Variants in CSMD3 observed in about 807,000 individuals in gnomAD.
CSMD3 encodes CUB and Sushi multiple domains 3.
A neutral mutation model predicts 435.2 loss-of-function variants in CSMD3; 177 were observed. The ratio of observed to expected loss-of-function variants is 0.41; its 90% CI spans 0.36 to 0.46. The LOEUF (loss-of-function observed/expected upper bound fraction) is 0.46, where lower values mean the gene tolerates loss of function less well. CSMD3 is among the 20% of genes least tolerant of loss of function. The pLI is 0.34. For missense variants in CSMD3, 4,265 were observed against 4,504.6 expected (o/e 0.95, Z 1.52); for synonymous variants, 1,656 against 1,520.5 (o/e 1.09, Z -2.07).
chr8:113,354,080 T>C, intron 1 of CSMD3, among the ~76,000 whole-genome samples: 1 of 152,150 alleles, frequency 6.6e-6, no homozygotes, highest in East Asian at 1.9e-4. Flanking sequence ...GTGAATCACC[T>C]CTTTAAATTA....
At chr8:112,290,492 T>C (rs1819657483) in intron 56 of CSMD3, among the ~76,000 whole-genome samples, 1 of 151,880 alleles carries the variant, frequency 6.6e-6, no homozygotes. Context: ...TCAACACAAA[T>C]AAGTCAAATG....
At position 112,517,092 on chromosome 8, in the gene CSMD3, T is replaced by C; in HGVS notation, c.4698A>G (p.Ile1566Met). ...ACCGATTTTCTACCTGAATGCAGGTTATTCTTTCCTCTCCTTGAAGTTCAT... is the reference window on the plus strand; with the variant it reads ...ACCGATTTTCTACCTGAATGCAGGTCATTCTTTCCTCTCCTTGAAGTTCAT... ...PGYELQGEER[I>M]TCIQVENRYF... Residue 1566 changes from isoleucine to methionine, a missense_variant, in exon 28 of 71, where the codon ATA (isoleucine) becomes ATG (methionine). Transcript: ENST00000297405. 1 of 1,613,944 alleles carries C rather than the reference T, an allele frequency of 6.2e-7. No individual in the cohort carries two copies. Among genetic ancestry groups the C allele is most frequent in the South Asian group, 1.1e-5 (1 of 91,084 alleles).
At position 112,925,423 on chromosome 8, in the gene CSMD3, C is replaced by T. The variant is rs1049942698; in HGVS notation, c.1509-3672G>A. Among the ~76,000 whole-genome samples, 11 of 151,784 alleles carry T rather than the reference C, an allele frequency of 7.2e-5. No individual in the cohort carries two copies. In the South Asian group the frequency reaches 8.3e-4, roughly 11 times the overall value. ...AATAAAAATAAAAAAATTAACCCAG[C>T]GTGTTGGCGGGCACCTGTAGTCCCA... On this transcript the variant is annotated intron_variant, in intron 9 of 70. Coordinates refer to ENST00000297405, the MANE Select transcript of CSMD3 (RefSeq NM_198123.2).
intron 8 of CSMD3, 79 bp from the exon 9 acceptor site, chr8:112,947,956 C>G: frequency 2.9e-6 from 2 of 685,524 alleles, no homozygotes; most frequent in South Asian, 3.3e-5. Flanking sequence ...TTAAAATATA[C>G]ATAAAATGTA....
At chr8:113,141,599 C>A (rs73342276) in intron 4 of CSMD3, among the ~76,000 whole-genome samples, 51,737 of 150,576 alleles carry the variant, frequency 0.34, 9,797 homozygotes, top group East Asian at 0.69. Context: ...ATAATAATAT[C>A]AGTTAATGCA....
At chr8:112,695,626 T>G (rs997374888) in intron 13 of CSMD3, among the ~76,000 whole-genome samples, 1 of 152,220 alleles carries the variant, frequency 6.6e-6, no homozygotes, top group Admixed American at 6.5e-5. Context: ...GCCAATGTCA[T>G]GCTGAATGGG....
intron 13 of CSMD3, among the ~76,000 whole-genome samples, chr8:112,721,296 C>T (rs754576442): frequency 1.3e-5 from 2 of 152,000 alleles, no homozygotes; most frequent in African/African-American, 2.4e-5. Flanking sequence ...AAATATTGGC[C>T]GGGCATGGTG....
chr8:112,338,461 A>C (rs1824785653), intron 42 of CSMD3, among the ~76,000 whole-genome samples: 1 of 152,180 alleles, frequency 6.6e-6, no homozygotes, highest in Non-Finnish European at 1.5e-5. Context: ...TAGACCTATG[A>C]ACAGGGCCTA....
intron 1 of CSMD3, among the ~76,000 whole-genome samples, chr8:113,408,637 A>G (rs1461928214): frequency 1.3e-5 from 2 of 151,792 alleles, no homozygotes; most frequent in Non-Finnish European, 2.9e-5. Flanking sequence ...CAATAGTTAC[A>G]TTTCCACGTG....
At chr8:113,174,458 AC>A (rs1377865767) in intron 3 of CSMD3, among the ~76,000 whole-genome samples, 1 of 152,088 alleles carries the variant, frequency 6.6e-6, no homozygotes, top group African/African-American at 2.4e-5. Flanking sequence ...TTTGTTATTA[AC>A]CTTGAGTGTA....
intron 3 of CSMD3, among the ~76,000 whole-genome samples, chr8:113,223,622 C>T (rs1229027213): frequency 6.8e-6 from 1 of 146,104 alleles, no homozygotes; most frequent in Non-Finnish European, 1.5e-5. Context: ...GTCAAGTATA[C>T]ATATATATAT....
chr8:113,126,586 T>G (rs1189309960), intron 4 of CSMD3, among the ~76,000 whole-genome samples: 5 of 151,890 alleles, frequency 3.3e-5, no homozygotes, highest in African/African-American at 1.2e-4. Flanking sequence ...GCAATTTTGA[T>G]GAGAGAATAC....
At chr8:112,433,304 A>G (rs906486106) in intron 32 of CSMD3, among the ~76,000 whole-genome samples, 1 of 151,896 alleles carries the variant, frequency 6.6e-6, no homozygotes, top group African/African-American at 2.4e-5. Context: ...GGGACAGAAT[A>G]TCTGTTCTTG....
At chr8:112,410,616 GTATATATATGTGTATATATA>G (rs1832278584) in intron 32 of CSMD3, among the ~76,000 whole-genome samples, 1 of 67,590 alleles carries the variant, frequency 1.5e-5, no homozygotes, top group Admixed American at 1.8e-4. Flanking sequence ...ATATATATAT[GTATATATATGTGTATATATA>G]TGTATATATA....
Position 112,904,082 on chromosome 8 carries a change from T to C in CSMD3, c.1633+17545A>G, listed in dbSNP as rs550736916. 2.2e-4 allele frequency among the ~76,000 whole-genome samples: 34 copies of C among 151,196 alleles called. 1 individual carries two copies. Among genetic ancestry groups the C allele is most frequent in the Middle Eastern group, 3.4e-3 (1 of 294 alleles). On this transcript the variant is annotated intron_variant, in intron 10 of 70. Transcript: ENST00000297405. Reference sequence around the variant, plus strand: ...TTTTAAACATTTAAACAATGCTTTTTCCCCCCCAGAGACATGATGTTTAGC... The same window carrying C: ...TTTTAAACATTTAAACAATGCTTTTCCCCCCCCAGAGACATGATGTTTAGC...
Position 112,577,838 on chromosome 8 carries a change from AAT to A in CSMD3, c.3886-4183_3886-4182del, listed in dbSNP as rs1371707402. Among the ~76,000 whole-genome samples, 2 of 152,120 alleles carry A rather than the reference AAT, an allele frequency of 1.3e-5. 1 individual carries two copies. ...TCTTGCTGTTGTGAATGATATGATA[AAT>A]ATATAAATAGAAGGCATATTCTAAC... is the stretch of plus-strand genomic sequence containing the variant. On this transcript the variant is annotated intron_variant, in intron 23 of 70. Coordinates refer to ENST00000297405, the MANE Select transcript of CSMD3 (RefSeq NM_198123.2).
chr8:112,701,351 A>G (rs998266251), intron 13 of CSMD3, among the ~76,000 whole-genome samples: 1 of 152,160 alleles, frequency 6.6e-6, no homozygotes, highest in African/African-American at 2.4e-5. Flanking sequence ...TTGCAGTGCT[A>G]TTAGCCAGTC....
At chr8:113,270,401 G>A (rs1052344158) in intron 3 of CSMD3, among the ~76,000 whole-genome samples, 3 of 152,142 alleles carry the variant, frequency 2.0e-5, no homozygotes, top group Non-Finnish European at 4.4e-5. Context: ...TTCAACCATT[G>A]TGTAAGATAG....
chr8:113,201,641 C>T (rs1488149313), intron 3 of CSMD3, among the ~76,000 whole-genome samples: 2 of 151,858 alleles, frequency 1.3e-5, no homozygotes, highest in East Asian at 1.9e-4. Context: ...TTAAAGGTAG[C>T]CCTGCTTTTC....
Sources: allele counts gnomAD v4.1 joint callset (sites outside exome capture counted in the v4.1 genomes callset), GRCh38; gene constraint gnomAD v4.1.1; transcripts MANE v1.5; gene names NCBI Gene and HGNC (gene_info 2026-07-23, HGNC 2026-07-21).